Variants in PHF8 observed in about 807,000 individuals in gnomAD.
PHF8 encodes the protein PHD finger protein 8, also known as histone lysine demethylase PHF8.
PHF8 carries 9 observed loss-of-function variants against 74.4 expected under a neutral mutation model. That is an observed-to-expected ratio of 0.12 (90% CI 0.07 to 0.21). PHF8 has a LOEUF of 0.21. Ranked by LOEUF, PHF8 falls within the 10% of genes least tolerant of loss-of-function variation. The pLI, the probability that PHF8 is intolerant of heterozygous loss-of-function variation, is 1.00. For synonymous variants in PHF8, 311 were observed against 316.6 expected (o/e 0.98, Z 0.19); for missense variants, 478 against 816.6 (o/e 0.59, Z 5.05).
intron 2 of PHF8, among the ~76,000 whole-genome samples, chrX:54,027,984 CCA>C (rs782177087): frequency 0.15 from 14,729 of 95,760 alleles, 2,128 homozygotes; most frequent in African/African-American, 0.44. Flanking sequence ...ACTATACACA[CCA>C]CACACACACA....
chrX:54,042,424 G>A (rs1328856566), intron 2 of PHF8, among the ~76,000 whole-genome samples: 1 of 109,179 alleles, frequency 9.2e-6, no homozygotes, highest in African/African-American at 3.3e-5. Context: ...AAAGTGCAAA[G>A]AAGAAATACA....
chrX:53,937,042 A>G lies in PHF8; in HGVS notation c.*2116T>C, dbSNP rs939414935. 2 of 110,335 alleles carry G rather than the reference A, an allele frequency of 1.8e-5. No individual in the cohort carries two copies. Among genetic ancestry groups the G allele is most frequent in the Non-Finnish European group, 1.9e-5 (1 of 52,734 alleles). 9.1% of individuals were successfully genotyped at this position (110,335 alleles called of 1,213,427 possible). On this transcript the variant is annotated 3_prime_UTR_variant, in exon 22 of 22. Coordinates refer to ENST00000338154, the MANE Select transcript of PHF8 (RefSeq NM_015107.3). ...GGTGTTCTAAACCTTGATTACTAACACTCCCAACCCCTCCCCAACTCACTT... is the reference window on the plus strand; with the variant it reads ...GGTGTTCTAAACCTTGATTACTAACGCTCCCAACCCCTCCCCAACTCACTT...
At chrX:53,997,535 A>T (rs1299944786) in intron 11 of PHF8, among the ~76,000 whole-genome samples, 1 of 111,512 alleles carries the variant, frequency 9.0e-6, no homozygotes, top group Non-Finnish European at 1.9e-5. Context: ...TTCCCAGACC[A>T]GGGTCTCTGG....
chrX:54,042,856 GC>G, intron 1 of PHF8, 36 bp from the exon 2 acceptor site: 3 of 1,008,639 alleles, frequency 3.0e-6, no homozygotes, highest in African/African-American at 3.8e-5. Context: ...GAGTGAATCA[GC>G]CCCCGCCCCC....
intron 7 of PHF8, among the ~76,000 whole-genome samples, chrX:54,011,862 CAAAA>C (rs11397654): frequency 5.0e-5 from 2 of 40,060 alleles, no homozygotes; most frequent in Non-Finnish European, 1.1e-4. Flanking sequence ...GATAATTTGG[CAAAA>C]AAAAAAAAAA....
intron 7 of PHF8, among the ~76,000 whole-genome samples, chrX:54,012,002 G>A (rs1464690914): frequency 1.8e-5 from 2 of 110,893 alleles, no homozygotes; most frequent in Admixed American, 9.7e-5. Flanking sequence ...GTGTACAACC[G>A]GAGAATTTTG....
At chrX:54,013,962 AT>A (rs782435958) in intron 7 of PHF8, among the ~76,000 whole-genome samples, 420 of 107,007 alleles carry the variant, frequency 3.9e-3, no homozygotes, top group African/African-American at 5.8e-3. Flanking sequence ...TTTTGAATCA[AT>A]TTTTTTTTTT....
rs1557102694 is a variant in PHF8, at chrX:53,995,793, A to G, written c.1234-11T>C. 9.1e-7 allele frequency: 1 copy of G among 1,104,355 alleles called. No individual in the cohort carries two copies. The highest frequency in any genetic ancestry group is 1.9e-5 in the South Asian group (1 of 53,909). The allele number at this position is 1,104,355 out of a possible 1,213,427, so 91.0% of individuals were successfully genotyped here. ...ATGGTCTGGCAGAGCCTGTCAAACA[A>G]GAGGCATGAGGAATAAACCCACACA... is the stretch of plus-strand genomic sequence containing the variant. On this transcript the variant is annotated splice_polypyrimidine_tract_variant and intron_variant, in intron 11 of 21. Coordinates refer to ENST00000338154, the MANE Select transcript of PHF8 (RefSeq NM_015107.3).
In PHF8 at chrX:53,940,375, AGGT is replaced by A. The variant is rs782799976; in HGVS notation, c.2788_2790del (p.Thr930del). 5 of 1,208,138 alleles carry A rather than the reference AGGT, an allele frequency of 4.1e-6. No homozygotes were observed. In the African/African-American group the frequency reaches 8.8e-5, roughly 21 times the overall value. ...TCAGGAGGAGGCAGGGGTGAGGAGGAGGTGACAAGTTGTGGTGTGGCAGCCACA... is the reference window on the plus strand; with the variant it reads ...TCAGGAGGAGGCAGGGGTGAGGAGGAGACAAGTTGTGGTGTGGCAGCCACA... On this transcript the variant is annotated inframe_deletion, in exon 21 of 22. Coordinates refer to ENST00000338154, the MANE Select transcript of PHF8 (RefSeq NM_015107.3).
At chrX:53,953,657 AGC>A (rs1379291347) in intron 19 of PHF8, among the ~76,000 whole-genome samples, 8 of 95,356 alleles carry the variant, frequency 8.4e-5, no homozygotes, top group African/African-American at 2.5e-4. Context: ...AAAAAAAAAA[AGC>A]GGGGGGGGTC....
rs1389292294 is a variant in PHF8, at chrX:53,939,074, C to A, written c.*84G>T. ...ATGCACCTCAGCACCTTGTCCAGGGCAGATAGGATCCAGGAGTGCCCCAAG... is the reference window on the plus strand; with the variant it reads ...ATGCACCTCAGCACCTTGTCCAGGGAAGATAGGATCCAGGAGTGCCCCAAG... On this transcript the variant is annotated 3_prime_UTR_variant, in exon 22 of 22. Coordinates refer to ENST00000338154, the MANE Select transcript of PHF8 (RefSeq NM_015107.3). 9.3e-6 allele frequency: 11 copies of A among 1,177,245 alleles called. No individual in the cohort carries two copies. Among genetic ancestry groups the A allele is most frequent in the African/African-American group, 7.1e-5 (4 of 56,085 alleles).
chrX:53,992,592 A>G lies in PHF8; in HGVS notation c.1730+144T>C. 8 of 488,004 alleles carry G rather than the reference A, an allele frequency of 1.6e-5. No homozygotes were observed. The South Asian group carries it at 2.2e-4, about 13-fold the overall frequency. 40.2% of individuals were successfully genotyped at this position (488,004 alleles called of 1,213,427 possible). ...CCATGGTTCTCTGAACTAAGCAACA[A>G]TACATTATAATATCTAGGTATTGCC... On this transcript the variant is annotated intron_variant, in intron 14 of 21. Coordinates refer to ENST00000338154, the MANE Select transcript of PHF8 (RefSeq NM_015107.3).
chrX:54,021,084 A>G (rs2066161806), intron 4 of PHF8, among the ~76,000 whole-genome samples: 2 of 112,564 alleles, frequency 1.8e-5, no homozygotes, highest in Non-Finnish European at 3.7e-5. Flanking sequence ...TGGTACATAT[A>G]TATCATGGAA....
rs149540941 is a variant in PHF8, at chrX:53,975,639, G to A, written c.2443+9275C>T. The stretch of plus-strand genomic sequence containing the variant: ...AGCCAGGAATACGCAGACAAATATC[G>A]CATGTTCTCACTCATATGTGAGAGC... On this transcript the variant is annotated intron_variant, in intron 18 of 21. Coordinates refer to ENST00000338154, the MANE Select transcript of PHF8 (RefSeq NM_015107.3). Among the ~76,000 whole-genome samples, 55 of 112,068 alleles carry A rather than the reference G, an allele frequency of 4.9e-4. No homozygotes were observed. The East Asian group carries it at 0.015, about 31-fold the overall frequency.
intron 8 of PHF8, among the ~76,000 whole-genome samples, chrX:54,008,369 G>A (rs1194681781): frequency 7.0e-5 from 4 of 57,105 alleles, no homozygotes; most frequent in Non-Finnish European, 6.5e-5. Context: ...GCAATACTCC[G>A]TCAAAAAAAA....
At chrX:53,965,903 A>G (rs1319199184) in intron 18 of PHF8, among the ~76,000 whole-genome samples, 1 of 110,418 alleles carries the variant, frequency 9.1e-6, no homozygotes, top group African/African-American at 3.3e-5. Flanking sequence ...TGGCCCATTT[A>G]CGGGGGAAAA....
intron 8 of PHF8, among the ~76,000 whole-genome samples, chrX:54,008,734 A>G (rs1195455615): frequency 2.7e-5 from 3 of 111,895 alleles, no homozygotes; most frequent in Non-Finnish European, 5.6e-5. Context: ...AGCTAGACAC[A>G]AAAGACAACA....
intron 2 of PHF8, among the ~76,000 whole-genome samples, chrX:54,042,372 AGGG>A (rs58326801): frequency 3.1e-3 from 231 of 74,561 alleles, no homozygotes; most frequent in African/African-American, 0.01. Flanking sequence ...AGGAAAGAAA[AGGG>A]GGGGGGGGTC....
chrX:53,991,661 C>CAAAAAAAAAAAAAAAAAAAAAAAAAAA (rs1201744328), intron 14 of PHF8, among the ~76,000 whole-genome samples: 1 of 16,754 alleles, frequency 6.0e-5, no homozygotes, highest in Non-Finnish European at 1.1e-4. Context: ...GACTCTGTCT[C>CAAAAAAAAAAAAAAAAAAAAAAAAAAA]AAAAAAAAAA....
Sources: allele counts gnomAD v4.1 joint callset (sites outside exome capture counted in the v4.1 genomes callset), GRCh38; gene constraint gnomAD v4.1.1; transcripts MANE v1.5; gene names NCBI Gene and HGNC (gene_info 2026-07-23, HGNC 2026-07-21).